Variants in IMPG2 observed in about 807,000 individuals in gnomAD.
The protein encoded by IMPG2 is interphotoreceptor matrix proteoglycan 2, also known as IPM 200.
IMPG2 carries 91 observed loss-of-function variants against 129.2 expected under a neutral mutation model. The observed-to-expected ratio is 0.70, with a 90% CI of 0.59 to 0.84. The LOEUF is 0.84. Ranked by LOEUF, IMPG2 falls within the 40% of genes least tolerant of loss-of-function variation. IMPG2 has a pLI of 0.00. For missense variants in IMPG2, 1,430 were observed against 1,461.7 expected (o/e 0.98, Z 0.35); for synonymous variants, 510 against 517.7 (o/e 0.99, Z 0.20).
rs1260837794 is a variant in IMPG2 at position 101,304,175 on chromosome 3, A to T, written c.472T>A (p.Ser158Thr). The T allele has an allele frequency of 1.2e-6, 2 of 1,613,890 alleles. No individual in the cohort carries two copies. The highest frequency in any genetic ancestry group is 1.3e-5 in the African/African-American group (1 of 75,038). The part of the protein sequence containing the change: ...IFEMGTNFSE[S>T]VEHRSLIMKK... ...ATGATTAAGCTTCTATGTTCCACAG[A>T]TTCACTAAAATTTGTGCCCATTTCA... The change falls in exon 3 of 19, where the codon TCT becomes ACT. Residue 158 changes from serine to threonine, a missense_variant. By Grantham distance (58) the Ser-to-Thr change is moderately conservative. Coordinates refer to ENST00000193391, the MANE Select transcript of IMPG2 (RefSeq NM_016247.4).
At chr3:101,319,964 T>C in intron 1 of IMPG2, 132 bp from the exon 2 acceptor site, 1 of 900,576 alleles carries the variant, frequency 1.1e-6, no homozygotes, top group Non-Finnish European at 1.7e-6. Context: ...CAGGCATGCA[T>C]ATCTAAGGAA....
intron 3 of IMPG2, among the ~76,000 whole-genome samples, chr3:101,291,832 G>C (rs1707017712): frequency 1.3e-5 from 2 of 152,096 alleles, no homozygotes; most frequent in Non-Finnish European, 2.9e-5. Flanking sequence ...ACATAAACCT[G>C]CCATGGATTT....
intron 3 of IMPG2, among the ~76,000 whole-genome samples, chr3:101,302,524 A>G (rs569253406): frequency 5.9e-5 from 9 of 152,280 alleles, no homozygotes; most frequent in African/African-American, 2.2e-4. Context: ...TGGAAAAGAG[A>G]ACTGGGTTTG....
At position 101,243,841 on chromosome 3, in the gene IMPG2, T is replaced by A. The variant is rs748911117; in HGVS notation, c.2490A>T (p.Glu830Asp). 6.2e-7 allele frequency: 1 copy of A among 1,614,146 alleles called. No individual in the cohort carries two copies. Among genetic ancestry groups the A allele is most frequent in the East Asian group, 2.2e-5 (1 of 44,882 alleles). The change falls in exon 13 of 19, where the codon GAA (glutamate) becomes GAT (aspartate). Residue 830 changes from glutamate to aspartate, a missense_variant. Glu to Asp is a conservative substitution (Grantham distance 45). Transcript: ENST00000193391. ...PTTISTLLEDEVIMGVQDISL... is the reference protein window; with the variant it reads ...PTTISTLLEDDVIMGVQDISL... The stretch of plus-strand genomic sequence containing the variant: ...AAATATCCTGTACACCCATAATTAC[T>A]TCATCCTCTAGCAGGGTGGAGATTG...
intron 18 of IMPG2, chr3:101,227,834 A>C (rs1018772708): frequency 4.4e-6 from 2 of 456,138 alleles, no homozygotes; most frequent in Non-Finnish European, 8.8e-6. Flanking sequence ...CCCTTCTCTT[A>C]CAGAGGAACC....
rs763109660 is a variant in IMPG2, at chr3:101,291,529, T to G, written c.502-19A>C. The G allele has an allele frequency of 6.3e-7, 1 of 1,598,760 alleles. No homozygotes were observed. The highest frequency in any genetic ancestry group is 2.2e-5 in the East Asian group (1 of 44,768). On this transcript the variant is annotated intron_variant, in intron 3 of 18. Transcript: ENST00000193391. ...TCAGTTTCTAAGGAAAACAAAGATA[T>G]AAAAATGACTGAGTTAACAACAGTT...
rs1184676857 is a variant in IMPG2, at chr3:101,223,025, T to C, written c.*3944A>G. On this transcript the variant is annotated 3_prime_UTR_variant, in exon 19 of 19. Transcript: ENST00000193391. ...ACCAGTCTTACTATCCTGAGGGGAG[T>C]GGTTTAACCTGTCTCTTATTAACTC... The C allele has an allele frequency of 1.3e-5, 2 of 152,026 alleles. No homozygotes were observed. The highest frequency in any genetic ancestry group is 1.3e-4 in the Admixed American group (2 of 15,260). The allele number at this position is 152,026 out of a possible 1,614,324, so 9.4% of individuals were successfully genotyped here.
chr3:101,269,752 C>G (rs1294408125), intron 7 of IMPG2, among the ~76,000 whole-genome samples, 179 bp from the exon 8 acceptor site: 1 of 151,906 alleles, frequency 6.6e-6, no homozygotes, highest in Non-Finnish European at 1.5e-5. Context: ...AACACTGCCA[C>G]ATTTTTCTTT....
At chr3:101,287,720 T>C (rs534373621) in intron 4 of IMPG2, among the ~76,000 whole-genome samples, 1 of 152,184 alleles carries the variant, frequency 6.6e-6, no homozygotes, top group Non-Finnish European at 1.5e-5. Context: ...CCCTACCTTT[T>C]ATCATATACC....
At chr3:101,299,797 C>T (rs1217994020) in intron 3 of IMPG2, among the ~76,000 whole-genome samples, 1 of 152,188 alleles carries the variant, frequency 6.6e-6, no homozygotes, top group Non-Finnish European at 1.5e-5. Flanking sequence ...GATCTCTGAC[C>T]TCAAGGGGCA....
At position 101,304,192 on chromosome 3, in the gene IMPG2, C is replaced by A; in HGVS notation, c.455G>T (p.Gly152Val). 6.2e-7 allele frequency: 1 copy of A among 1,613,814 alleles called. No homozygotes were observed. The highest frequency in any genetic ancestry group is 1.1e-5 in the South Asian group (1 of 91,082). The part of the protein sequence containing the change: ...EDGVTSIFEM[G>V]TNFSESVEHR... ...TTCCACAGATTCACTAAAATTTGTG[C>A]CCATTTCAAATATACTTGTGACTCC... Residue 152 changes from glycine (G) to valine (V), a missense_variant, in exon 3 of 19, where the codon GGC (glycine) becomes GTC (valine). Coordinates refer to ENST00000193391, the MANE Select transcript of IMPG2 (RefSeq NM_016247.4).
intron 9 of IMPG2, among the ~76,000 whole-genome samples, chr3:101,265,726 T>A (rs1277870185): frequency 6.6e-6 from 1 of 152,144 alleles, no homozygotes; most frequent in Non-Finnish European, 1.5e-5. Flanking sequence ...AAAAAGCTTC[T>A]GCACAGCAAA....
chr3:101,254,549 G>A (rs1706578684), intron 10 of IMPG2, among the ~76,000 whole-genome samples: 1 of 152,080 alleles, frequency 6.6e-6, no homozygotes, highest in South Asian at 2.1e-4. Flanking sequence ...GTGATCTGGT[G>A]TATGCAACCA....
At chr3:101,229,300 A>ACCCCCCCCCCCCACCCCCCGCCCC in intron 17 of IMPG2, 80 bp downstream of exon 17, 1 of 859,118 alleles carries the variant, frequency 1.2e-6, no homozygotes, top group Non-Finnish European at 1.9e-6. Flanking sequence ...ACTCATACAC[A>ACCCCCCCCCCCCACCCCCCGCCCC]CCCCCACCCA....
chr3:101,276,086 G>T (rs781181579), intron 5 of IMPG2, among the ~76,000 whole-genome samples: 1 of 152,182 alleles, frequency 6.6e-6, no homozygotes, highest in Admixed American at 6.5e-5. Flanking sequence ...GAGAGGAGAA[G>T]TGGGTAAAGG....
intron 10 of IMPG2, among the ~76,000 whole-genome samples, chr3:101,256,217 GAAAA>G (rs140955011): frequency 5.4e-4 from 74 of 138,274 alleles, no homozygotes; most frequent in Admixed American, 5.0e-4. Context: ...AAGAAAGAAA[GAAAA>G]AAATATCTTA....
Position 101,319,786 on chromosome 3 carries a change from T to A in IMPG2, c.132A>T (p.Ala44=). ...ATTCTTCAGGCAGGAGAAAAGAAAC[T>A]GCACTCTTGGGTTCTTGGATCTCCT... ...SIEEIQEPKS[A]VSFLLPEEST... is the part of the protein sequence containing the mutation. Residue 44 remains alanine (A), a synonymous_variant, in exon 2 of 19, where the codon GCA becomes GCT. Transcript: ENST00000193391. 6.2e-7 allele frequency: 1 copy of A among 1,613,280 alleles called. No individual in the cohort carries two copies. Among genetic ancestry groups the A allele is most frequent in the East Asian group, 2.2e-5 (1 of 44,872 alleles).
intron 7 of IMPG2, among the ~76,000 whole-genome samples, chr3:101,270,603 T>A (rs1215441411): frequency 6.6e-6 from 1 of 151,746 alleles, no homozygotes; most frequent in Non-Finnish European, 1.5e-5. Flanking sequence ...ATGGAGACCA[T>A]CCTGGCTAAC....
At chr3:101,308,072 T>G (rs568687140) in intron 2 of IMPG2, among the ~76,000 whole-genome samples, 1 of 152,352 alleles carries the variant, frequency 6.6e-6, no homozygotes, top group South Asian at 2.1e-4. Context: ...ATGTAAGAGG[T>G]GGACTCCCAC....
Sources: gnomAD v4.1 joint callset for allele counts (sites outside exome capture counted in the v4.1 genomes callset) on GRCh38, gnomAD v4.1.1 for gene constraint, MANE v1.5 for transcripts, NCBI Gene and HGNC (gene_info 2026-07-23, HGNC 2026-07-21) for gene names.